The following CDKL4 variants were observed in gnomAD, a reference collection of about 807,000 sequenced individuals.
CDKL4 encodes cyclin-dependent kinase-like 4.
CDKL4 carries 44 observed loss-of-function variants against 42.0 expected under a neutral mutation model. The ratio of observed to expected loss-of-function variants is 1.05; its 90% confidence interval spans 0.82 to 1.35. The LOEUF (loss-of-function observed/expected upper bound fraction) is 1.35, where lower values mean the gene tolerates loss of function less well. Ranked by LOEUF, CDKL4 falls within the 40% of genes most tolerant of loss-of-function variation. The probability of loss-of-function intolerance (pLI) is 0.00; values close to 1 mark genes in which losing one functional copy is unlikely to be tolerated. For synonymous variants in CDKL4, 120 were observed against 121.6 expected, an observed-to-expected ratio of 0.99 and a Z score of 0.09; for missense variants, 393 against 369.9, an observed-to-expected ratio of 1.06 and a Z score of -0.51.
chr2:39,223,410 A>C (rs1029982656), intron 3 of CDKL4, among the ~76,000 whole-genome samples: 1 of 152,262 alleles, frequency 6.6e-6, no homozygotes, highest in African/African-American at 2.4e-5. Context: ...CTAGCCATCA[A>C]TGAGGAGGTC....
At chr2:39,178,855 C>T in intron 9 of CDKL4, 2 of 1,499,726 alleles carry the variant, frequency 1.3e-6, no homozygotes, top group East Asian at 2.5e-5. Context: ...TGGCAAAACT[C>T]AGTCCTGTTG....
At chr2:39,231,485 A>T (rs975366948) in intron 1 of CDKL4, among the ~76,000 whole-genome samples, 1 of 152,216 alleles carries the variant, frequency 6.6e-6, no homozygotes, top group Non-Finnish European at 1.5e-5. Flanking sequence ...GGATATAATG[A>T]CTACTGACAT....
chr2:39,177,490 C>T (rs1210979973), intron 9 of CDKL4, among the ~76,000 whole-genome samples: 10 of 150,890 alleles, frequency 6.6e-5, no homozygotes, highest in African/African-American at 2.0e-4. Flanking sequence ...CTGCAACCTC[C>T]GCCTCCAGGG....
chr2:39,187,504 C>T (rs1675894623), intron 7 of CDKL4, 123 bp downstream of exon 7: 1 of 656,402 alleles, frequency 1.5e-6, no homozygotes, highest in African/African-American at 1.9e-5. Context: ...ATGACCTTGC[C>T]ACTGCACTCC....
At chr2:39,218,416 T>C (rs1253964171) in intron 3 of CDKL4, among the ~76,000 whole-genome samples, 1 of 152,106 alleles carries the variant, frequency 6.6e-6, no homozygotes, top group African/African-American at 2.4e-5. Flanking sequence ...CAGGATTTGC[T>C]TGAGTTTGGG....
At chr2:39,203,537 T>C (rs917557559) in intron 5 of CDKL4, among the ~76,000 whole-genome samples, 2 of 152,212 alleles carry the variant, frequency 1.3e-5, no homozygotes, top group African/African-American at 4.8e-5. Flanking sequence ...TTGAGGGTCA[T>C]ATATATTTCA....
chr2:39,178,931 A>C, intron 9 of CDKL4: 14 of 1,447,938 alleles, frequency 9.7e-6, no homozygotes, highest in Non-Finnish European at 1.2e-5. Context: ...TGGGATATCC[A>C]ATCAGAGCAG....
chr2:39,197,457 T>A (rs1293269391), intron 5 of CDKL4, among the ~76,000 whole-genome samples: 2 of 152,242 alleles, frequency 1.3e-5, no homozygotes, highest in East Asian at 3.9e-4. Flanking sequence ...GATCTAGACA[T>A]CCAAATACAA....
At chr2:39,217,105 G>C (rs1677974872) in intron 3 of CDKL4, among the ~76,000 whole-genome samples, 1 of 152,196 alleles carries the variant, frequency 6.6e-6, no homozygotes, top group African/African-American at 2.4e-5. Context: ...CAGAAAGATA[G>C]AGCGCTGCAG....
intron 4 of CDKL4, among the ~76,000 whole-genome samples, chr2:39,210,567 G>T (rs879935044): frequency 2.6e-5 from 4 of 152,080 alleles, no homozygotes; most frequent in Non-Finnish European, 2.9e-5. Context: ...TCCAATTTAG[G>T]TATTAAAGAG....
chr2:39,216,259 G>A (rs1029245449), intron 3 of CDKL4, among the ~76,000 whole-genome samples: 1 of 152,154 alleles, frequency 6.6e-6, no homozygotes. Context: ...GATAAGGCCA[G>A]TCGATGGGAT....
At chr2:39,233,936 CAG>C (rs1679222770) in intron 1 of CDKL4, among the ~76,000 whole-genome samples, 1 of 116,168 alleles carries the variant, frequency 8.6e-6, no homozygotes, top group African/African-American at 3.3e-5. Context: ...TTTTTTGAGA[CAG>C]AGTCTCGTTC....
chr2:39,235,243 G>A (rs1350163775), intron 1 of CDKL4, among the ~76,000 whole-genome samples: 1 of 152,148 alleles, frequency 6.6e-6, no homozygotes, highest in Admixed American at 6.5e-5. Flanking sequence ...ATGTATTGGT[G>A]AAAGGCCTTC....
intron 3 of CDKL4, among the ~76,000 whole-genome samples, chr2:39,221,043 C>T (rs1356997341): frequency 2.7e-5 from 3 of 110,050 alleles, no homozygotes; most frequent in African/African-American, 3.5e-5. Context: ...GACAGAGTCT[C>T]GCTCTTGTCG....
At chr2:39,190,608 T>C (rs1170416487) in intron 5 of CDKL4, 106 bp from the exon 6 acceptor site, 6 of 892,392 alleles carry the variant, frequency 6.7e-6, no homozygotes, top group Admixed American at 1.9e-5. Context: ...GAGGCCATGA[T>C]ACTCTTAAGG....
chr2:39,187,858 A>G, intron 6 of CDKL4, 149 bp from the exon 7 acceptor site: 1 of 596,250 alleles, frequency 1.7e-6, no homozygotes, highest in Admixed American at 3.1e-5. Context: ...ACTTGACGTC[A>G]AGAGTTCGAG....
At chr2:39,225,133 G>T (rs1678617657) in intron 3 of CDKL4, among the ~76,000 whole-genome samples, 1 of 152,064 alleles carries the variant, frequency 6.6e-6, no homozygotes, top group Non-Finnish European at 1.5e-5. Flanking sequence ...CAGTTGATTT[G>T]AAGAGGGGTG....
At chr2:39,182,307 A>G (rs1388419800) in intron 8 of CDKL4, among the ~76,000 whole-genome samples, 1 of 152,136 alleles carries the variant, frequency 6.6e-6, no homozygotes, top group Non-Finnish European at 1.5e-5. Flanking sequence ...ATGTTTTTAT[A>G]TGGGCTTTCA....
intron 1 of CDKL4, among the ~76,000 whole-genome samples, chr2:39,237,459 G>T (rs900274084): frequency 6.6e-6 from 1 of 152,048 alleles, no homozygotes; most frequent in African/African-American, 2.4e-5. Context: ...CCCTAAGACT[G>T]GAAAAAAGAT....
Sources: allele counts gnomAD v4.1 joint callset (sites outside exome capture counted in the v4.1 genomes callset), GRCh38; gene constraint gnomAD v4.1.1; transcripts MANE v1.5; gene names NCBI Gene and HGNC (gene_info 2026-07-23, HGNC 2026-07-21).